The following PLCE1 variants were observed in gnomAD, a reference collection of about 807,000 sequenced individuals.
The protein encoded by PLCE1 is 1-phosphatidylinositol 4,5-bisphosphate phosphodiesterase epsilon-1.
PLCE1 carries 119 observed loss-of-function variants against 242.8 expected under a neutral mutation model. The observed-to-expected ratio is 0.49, with a 90% confidence interval of 0.42 to 0.57. The LOEUF (loss-of-function observed/expected upper bound fraction) is 0.57. Among genes scored for constraint, PLCE1 ranks in the 20% least tolerant of loss-of-function variants. PLCE1 has a pLI of 0.00. For missense variants in PLCE1, 2,441 were observed against 2,788.8 expected, an observed-to-expected ratio of 0.88 and a Z score of 2.81; for synonymous variants, 945 against 1,017.4, an observed-to-expected ratio of 0.93 and a Z score of 1.35.
At chr10:94,159,176 T>G (rs537707360) in intron 3 of PLCE1, among the ~76,000 whole-genome samples, 4 of 152,126 alleles carry the variant, frequency 2.6e-5, no homozygotes, top group Admixed American at 2.0e-4. Flanking sequence ...ATATATTGGG[T>G]TTTTTTTCTC....
intron 19 of PLCE1, among the ~76,000 whole-genome samples, chr10:94,278,707 A>C (rs993629346): frequency 2.0e-5 from 3 of 152,296 alleles, no homozygotes; most frequent in African/African-American, 7.2e-5. Flanking sequence ...CTGCCATATT[A>C]ACATTTAATA....
intron 1 of PLCE1, among the ~76,000 whole-genome samples, chr10:94,014,212 C>A (rs1428424521): frequency 6.6e-6 from 1 of 152,114 alleles, no homozygotes; most frequent in African/African-American, 2.4e-5. Flanking sequence ...GAGGGGGTGT[C>A]AAGAGACACC....
intron 2 of PLCE1, among the ~76,000 whole-genome samples, chr10:94,131,648 T>G (rs896009790): frequency 5.9e-5 from 9 of 152,190 alleles, no homozygotes; most frequent in Non-Finnish European, 7.3e-5. Context: ...ATTCAAATAC[T>G]TTGATCTCAG....
chr10:94,313,296 G>C lies in PLCE1; in HGVS notation c.6046G>C (p.Val2016Leu). ...EERKCLQTHR[V>L]TVHGVPGPEP... is the part of the protein sequence containing the mutation. ...AAGAAAATGTTTGCAGACTCACAGA[G>C]TCACGGTGCATGGGGTCCCAGGGCC... Residue 2016 changes from valine to leucine, a missense_variant, in exon 28 of 33, where the codon GTC becomes CTC. This residue lies in a region of PLCE1 where 1,004 missense variants were observed against 1,322.7 expected (regional missense o/e 0.76). Transcript: ENST00000371380. 1 of 1,614,150 alleles carries C rather than the reference G, an allele frequency of 6.2e-7. No homozygotes were observed. Among genetic ancestry groups the C allele is most frequent in the Non-Finnish European group, 8.5e-7 (1 of 1,179,986 alleles).
chr10:94,227,067 G>A (rs553168691), intron 4 of PLCE1: 124 of 435,058 alleles, frequency 2.9e-4, no homozygotes, highest in Non-Finnish European at 4.5e-4. Context: ...AGTAGAAACG[G>A]GCTTTCACCA....
chr10:94,197,630 A>G (rs2048860712), intron 4 of PLCE1, among the ~76,000 whole-genome samples: 1 of 152,176 alleles, frequency 6.6e-6, no homozygotes, highest in Admixed American at 6.5e-5. Flanking sequence ...CTTTGGATAA[A>G]TCTCTGTTCA....
intron 2 of PLCE1, among the ~76,000 whole-genome samples, chr10:94,116,674 G>A (rs1313142782): frequency 3.9e-5 from 6 of 152,056 alleles, no homozygotes; most frequent in Admixed American, 6.6e-5. Context: ...CAGTCTGGGC[G>A]AAAGAGTGAG....
At chr10:94,216,120 T>C (rs2137006956) in intron 4 of PLCE1, among the ~76,000 whole-genome samples, 1 of 152,342 alleles carries the variant, frequency 6.6e-6, no homozygotes, top group South Asian at 2.1e-4. Context: ...GATAAGGACA[T>C]ATACCTCATA....
chr10:94,142,361 A>AAG (rs2046998557), intron 3 of PLCE1, among the ~76,000 whole-genome samples: 1 of 151,102 alleles, frequency 6.6e-6, no homozygotes. Context: ...AAAAAAAAAA[A>AAG]AAAAAAAGCC....
At chr10:94,293,710 A>C in intron 23 of PLCE1, 71 bp downstream of exon 23, 1 of 1,525,104 alleles carries the variant, frequency 6.6e-7, no homozygotes, top group East Asian at 2.3e-5. Flanking sequence ...TTACTGTCTA[A>C]GCACTTCCCT....
intron 4 of PLCE1, among the ~76,000 whole-genome samples, chr10:94,192,918 A>G (rs139013026): frequency 5.4e-4 from 82 of 152,324 alleles, no homozygotes; most frequent in African/African-American, 1.8e-3. Context: ...TGGAAAAACT[A>G]AAAGGATACT....
chr10:94,052,333 A>G (rs1314046729), intron 2 of PLCE1, among the ~76,000 whole-genome samples: 1 of 152,196 alleles, frequency 6.6e-6, no homozygotes, highest in Non-Finnish European at 1.5e-5. Flanking sequence ...TCTTTGAGAA[A>G]AGGTAAGTGT....
At chr10:94,282,163 C>T (rs2052257007) in intron 20 of PLCE1, among the ~76,000 whole-genome samples, 2 of 148,250 alleles carry the variant, frequency 1.3e-5, no homozygotes, top group South Asian at 2.2e-4. Flanking sequence ...TCAGGGTGCC[C>T]GGTTTATCTC....
intron 2 of PLCE1, among the ~76,000 whole-genome samples, chr10:94,073,189 C>G (rs770904991): frequency 5.3e-5 from 8 of 150,886 alleles, no homozygotes; most frequent in African/African-American, 1.9e-4. Context: ...AGTTCATGAT[C>G]GTTTCTTTTT....
chr10:94,171,792 C>G (rs1397882266), intron 4 of PLCE1, among the ~76,000 whole-genome samples: 1 of 152,140 alleles, frequency 6.6e-6, no homozygotes. Context: ...CCAACCCCTT[C>G]CTCTCCCCTA....
At chr10:94,265,341 A>G (rs1444663995) in intron 14 of PLCE1, among the ~76,000 whole-genome samples, 1 of 152,216 alleles carries the variant, frequency 6.6e-6, no homozygotes, top group East Asian at 1.9e-4. Flanking sequence ...GGTAGCTGCT[A>G]TTATTATCCC....
chr10:94,193,814 C>T (rs746998524), intron 4 of PLCE1, among the ~76,000 whole-genome samples: 1 of 152,214 alleles, frequency 6.6e-6, no homozygotes, highest in Non-Finnish European at 1.5e-5. Context: ...TCCACTTCTG[C>T]AAGTAAGTTG....
At chr10:94,168,819 A>G (rs2136296450) in intron 3 of PLCE1, among the ~76,000 whole-genome samples, 1 of 152,244 alleles carries the variant, frequency 6.6e-6, no homozygotes, top group South Asian at 2.1e-4. Flanking sequence ...ACTTCTGAGA[A>G]GAGTTCTTAT....
At chr10:94,302,731 T>C (rs1281532031) in intron 24 of PLCE1, among the ~76,000 whole-genome samples, 3 of 152,182 alleles carry the variant, frequency 2.0e-5, no homozygotes, top group Non-Finnish European at 2.9e-5. Flanking sequence ...AGTTTCCTCA[T>C]CCATAAAAAT....
Sources: gnomAD v4.1 joint callset for allele counts (sites outside exome capture counted in the v4.1 genomes callset) on GRCh38, gnomAD v4.1.1 for gene constraint, gnomAD v4.1.1 regional missense constraint, MANE v1.5 for transcripts, NCBI Gene and HGNC (gene_info 2026-07-23, HGNC 2026-07-21) for gene names.